Variants in LPGAT1 observed in about 807,000 individuals in gnomAD.
LPGAT1 encodes the protein acyl-CoA:lysophosphatidylglycerol acyltransferase 1.
LPGAT1 carries 11 observed loss-of-function variants against 47.5 expected under a neutral mutation model. The observed-to-expected ratio is 0.23, with a 90% CI of 0.15 to 0.38. The LOEUF is 0.38. Ranked by LOEUF, LPGAT1 falls within the 10% of genes least tolerant of loss-of-function variation. The pLI, the probability that LPGAT1 is intolerant of heterozygous loss-of-function variation, is 1.00. For missense variants in LPGAT1, 293 were observed against 439.0 expected (o/e 0.67, Z 2.97); for synonymous variants, 138 against 144.2 (o/e 0.96, Z 0.31).
chr1:211,756,284 T>C (rs2102493405), intron 6 of LPGAT1, among the ~76,000 whole-genome samples: 1 of 152,296 alleles, frequency 6.6e-6, no homozygotes, highest in African/African-American at 2.4e-5. Context: ...TCCCTTATTA[T>C]TACAACTTGA....
chr1:211,814,343 A>G (rs1443140381), intron 2 of LPGAT1, among the ~76,000 whole-genome samples: 4 of 152,210 alleles, frequency 2.6e-5, no homozygotes, highest in Admixed American at 6.5e-5. Flanking sequence ...GGGTGTCACA[A>G]GGTTAGACAG....
At chr1:211,804,010 C>T (rs1208107457) in intron 2 of LPGAT1, among the ~76,000 whole-genome samples, 4 of 152,126 alleles carry the variant, frequency 2.6e-5, no homozygotes, top group African/African-American at 4.8e-5. Flanking sequence ...CTGCCTGCCT[C>T]GGCCTCCCAA....
At chr1:211,819,813 C>G (rs569042396) in intron 2 of LPGAT1, among the ~76,000 whole-genome samples, 4 of 152,008 alleles carry the variant, frequency 2.6e-5, no homozygotes, top group Non-Finnish European at 5.9e-5. Flanking sequence ...GGTGAAACCC[C>G]GACTCTACTA....
chr1:211,774,500 C>G (rs1459462133), intron 6 of LPGAT1, among the ~76,000 whole-genome samples: 2 of 152,110 alleles, frequency 1.3e-5, no homozygotes, highest in Non-Finnish European at 2.9e-5. Context: ...CACCAGAGTC[C>G]CAGCATTAGC....
At chr1:211,750,809 G>T in intron 7 of LPGAT1, 152 bp downstream of exon 7, 1 of 607,796 alleles carries the variant, frequency 1.6e-6, no homozygotes, top group Non-Finnish European at 2.9e-6. Flanking sequence ...TAATCCCCAG[G>T]GTAAGCTGAT....
chr1:211,757,043 G>T (rs1342223062), intron 6 of LPGAT1, among the ~76,000 whole-genome samples: 2 of 151,948 alleles, frequency 1.3e-5, no homozygotes, highest in African/African-American at 2.4e-5. Context: ...CAGATCACGA[G>T]GTCAGGAGCT....
chr1:211,809,457 T>A (rs1469729781), intron 2 of LPGAT1, among the ~76,000 whole-genome samples: 1 of 152,194 alleles, frequency 6.6e-6, no homozygotes, highest in Non-Finnish European at 1.5e-5. Context: ...AAACTTTAAC[T>A]AAGTAATGGA....
rs538967260 is a variant in LPGAT1, at chr1:211,746,518, T to C, written c.*3381A>G. On this transcript the variant is annotated 3_prime_UTR_variant, in exon 8 of 8. Transcript: ENST00000366997. ...AGTAAGCGTCCCTAGAAAAAAAATGTCTGATGAGAGTAAGAATTCAAACTC... is the reference window on the plus strand; with the variant it reads ...AGTAAGCGTCCCTAGAAAAAAAATGCCTGATGAGAGTAAGAATTCAAACTC... 1 of 152,196 alleles carries C rather than the reference T, an allele frequency of 6.6e-6. No individual in the cohort carries two copies. Among genetic ancestry groups the C allele is most frequent in the Non-Finnish European group, 1.5e-5 (1 of 68,036 alleles). 9.4% of individuals were successfully genotyped at this position (152,196 alleles called of 1,614,324 possible). A position where few individuals can be genotyped will look rare whatever the true frequency, so the allele number is the denominator to read the frequency against.
intron 2 of LPGAT1, 98 bp from the exon 3 acceptor site, chr1:211,793,288 G>T: frequency 2.9e-6 from 2 of 685,192 alleles, no homozygotes. Context: ...ATGATGATAT[G>T]TCACCTAGCT....
chr1:211,783,769 C>G (rs12126561), intron 4 of LPGAT1, among the ~76,000 whole-genome samples: 17,742 of 152,160 alleles, frequency 0.12, 1,169 homozygotes, highest in South Asian at 0.21. Flanking sequence ...TCAATTCAGT[C>G]ACTACTTACT....
intron 3 of LPGAT1, 61 bp from the exon 4 acceptor site, chr1:211,787,788 G>T: frequency 1.0e-6 from 1 of 970,862 alleles, no homozygotes; most frequent in Non-Finnish European, 1.6e-6. Context: ...TAGTTGAGCT[G>T]AGTCTCCAAG....
intron 2 of LPGAT1, among the ~76,000 whole-genome samples, chr1:211,820,396 A>G (rs139600750): frequency 5.6e-4 from 86 of 152,324 alleles, no homozygotes; most frequent in African/African-American, 2.0e-3. Flanking sequence ...GACAAAAATT[A>G]TAACTGAATA....
In LPGAT1 at chr1:211,828,924, T is replaced by C. The variant is rs191804758; in HGVS notation, c.238+135A>G. ...CCTGAGATTCTGAAGAGAAACCCAATAGAACTGTTTTCTTTTTATTTTTTT... is the reference window on the plus strand; with the variant it reads ...CCTGAGATTCTGAAGAGAAACCCAACAGAACTGTTTTCTTTTTATTTTTTT... On this transcript the variant is annotated intron_variant, in intron 2 of 7. Coordinates refer to ENST00000366997, the MANE Select transcript of LPGAT1 (RefSeq NM_014873.3). The C allele has an allele frequency of 1.5e-4, 120 of 793,676 alleles. No individual in the cohort carries two copies. In the African/African-American group the frequency reaches 1.7e-3, roughly 12 times the overall value. The allele number at this position is 793,676 out of a possible 1,614,324, so 49.2% of individuals were successfully genotyped here.
At chr1:211,775,931 C>CAAAAA (rs201006748) in intron 6 of LPGAT1, among the ~76,000 whole-genome samples, 2 of 77,264 alleles carry the variant, frequency 2.6e-5, no homozygotes, top group African/African-American at 9.9e-5. Flanking sequence ...AATGCCATCT[C>CAAAAA]AAAAAAAAAA....
intron 4 of LPGAT1, among the ~76,000 whole-genome samples, chr1:211,784,434 T>C (rs560962711): frequency 6.7e-6 from 1 of 148,856 alleles, no homozygotes; most frequent in Non-Finnish European, 1.5e-5. Flanking sequence ...GAGGATGCAG[T>C]GAGCCCTGAT....
chr1:211,820,914 G>A (rs1317523297), intron 2 of LPGAT1, among the ~76,000 whole-genome samples: 1 of 152,146 alleles, frequency 6.6e-6, no homozygotes, highest in African/African-American at 2.4e-5. Context: ...AAAGTTACTA[G>A]ATATGAGAGA....
intron 1 of LPGAT1, chr1:211,829,609 C>T: frequency 8.4e-7 from 1 of 1,189,246 alleles, no homozygotes; most frequent in Non-Finnish European, 1.1e-6. Context: ...GCCGTCCCCG[C>T]ACCGTGTCTC....
Position 211,830,619 on chromosome 1 carries a change from C to A in LPGAT1, c.-74G>T, listed in dbSNP as rs867301873. ...CCGGGGCTTTGGGAGTCAGAGGAGC[C>A]GGAAGAATGCATGGCCGGCGGCGGG... On this transcript the variant is annotated 5_prime_UTR_variant, in exon 1 of 8. Transcript: ENST00000366997. The surrounding 1 kb of genome is among the most constrained non-coding windows in gnomAD (Gnocchi z 5.9). The A allele has an allele frequency of 3.3e-6, 4 of 1,207,186 alleles. No homozygotes were observed. The African/African-American group carries it at 4.7e-5, about 14-fold the overall frequency. 74.8% of individuals were successfully genotyped at this position (1,207,186 alleles called of 1,614,324 possible).
intron 5 of LPGAT1, among the ~76,000 whole-genome samples, chr1:211,781,314 T>G (rs1437473855): frequency 2.0e-5 from 3 of 152,342 alleles, no homozygotes; most frequent in Admixed American, 1.3e-4. Flanking sequence ...CAACTGCCCC[T>G]ACATTTGAGA....
Sources: gnomAD v4.1 joint callset for allele counts (sites outside exome capture counted in the v4.1 genomes callset) on GRCh38, gnomAD v4.1.1 for gene constraint, Gnocchi (gnomAD v3.1) non-coding constraint, MANE v1.5 for transcripts, NCBI Gene and HGNC (gene_info 2026-07-23, HGNC 2026-07-21) for gene names.